Variants in PCDHA5 observed in about 807,000 individuals in gnomAD.
PCDHA5 encodes protocadherin alpha-5.
In PCDHA5, 43 loss-of-function variants were observed where a neutral mutation model predicts 61.6. The observed-to-expected ratio is 0.70, with a 90% CI of 0.55 to 0.90. The LOEUF is 0.90. Among genes scored for constraint, PCDHA5 ranks in the 40% least tolerant of loss-of-function variants. The pLI is 0.00. For missense variants in PCDHA5, 1,298 were observed against 1,222.7 expected, an observed-to-expected ratio of 1.06 and a Z score of -0.92; for synonymous variants, 627 against 543.9, an observed-to-expected ratio of 1.15 and a Z score of -2.13.
At chr5:140,962,431 A>G (rs782205198) in intron 1 of PCDHA5, among the ~76,000 whole-genome samples, 2 of 152,126 alleles carry the variant, frequency 1.3e-5, no homozygotes, top group Non-Finnish European at 2.9e-5. Flanking sequence ...ATTGTTACTT[A>G]TCCAAAGATG....
At chr5:140,972,622 T>C (rs1554234253) in intron 1 of PCDHA5, among the ~76,000 whole-genome samples, 1 of 151,940 alleles carries the variant, frequency 6.6e-6, no homozygotes, top group African/African-American at 2.4e-5. Flanking sequence ...CTGAATGTTG[T>C]TGGCACTCCC....
intron 3 of PCDHA5, among the ~76,000 whole-genome samples, chr5:140,986,342 C>G (rs1390823261): frequency 4.6e-5 from 7 of 152,184 alleles, no homozygotes; most frequent in African/African-American, 1.7e-4. Flanking sequence ...ACAGTTGCAG[C>G]CTCTTCTTCA....
At chr5:140,869,484 C>T (rs782167038) in intron 1 of PCDHA5, 2 of 1,613,948 alleles carry the variant, frequency 1.2e-6, no homozygotes, top group South Asian at 2.2e-5. Flanking sequence ...AGGACATTAA[C>T]GACAACCCGC....
intron 3 of PCDHA5, among the ~76,000 whole-genome samples, chr5:141,002,749 A>G (rs2098093412): frequency 1.3e-5 from 2 of 152,202 alleles, no homozygotes; most frequent in South Asian, 4.1e-4. Flanking sequence ...TACATCGACA[A>G]CCCTGTGATG....
chr5:140,836,538 A>G, intron 1 of PCDHA5: 1 of 1,613,734 alleles, frequency 6.2e-7, no homozygotes, highest in Non-Finnish European at 8.5e-7. Flanking sequence ...GCTGCTGTAC[A>G]CGGCGTTGCG....
In PCDHA5 at chr5:140,853,104, C is replaced by T. The variant is rs1299242689; in HGVS notation, c.2352+28977C>T. 2.1e-5 allele frequency: 8 copies of T among 388,186 alleles called. 1 individual carries two copies. The highest frequency in any genetic ancestry group is 4.4e-5 in the African/African-American group (2 of 45,392). 24.0% of individuals were successfully genotyped at this position (388,186 alleles called of 1,614,324 possible). A position where few individuals can be genotyped will look rare whatever the true frequency, so the allele number is the denominator to read the frequency against. ...CCGTGTTAGTCAGGATGGTCTCGAT[C>T]TCCTGACCTCATGATCCTCCCGCCT... On this transcript the variant is annotated intron_variant, in intron 1 of 3. Coordinates refer to ENST00000529859, the MANE Select transcript of PCDHA5 (RefSeq NM_018908.3).
chr5:140,850,192 T>C lies in PCDHA5; in HGVS notation c.2352+26065T>C. 1.3e-6 allele frequency: 2 copies of C among 1,593,512 alleles called. 1 individual carries two copies. The highest frequency in any genetic ancestry group is 1.7e-6 in the Non-Finnish European group (2 of 1,167,634). On this transcript the variant is annotated intron_variant, in intron 1 of 3. Transcript: ENST00000529859. ...GAGAACGACAATGCGCCGGCGCTGC[T>C]GACACCTCGGATGAGGGGCACTGAC...
intron 1 of PCDHA5, among the ~76,000 whole-genome samples, chr5:140,891,306 A>G (rs1452305510): frequency 6.6e-6 from 1 of 152,034 alleles, no homozygotes; most frequent in African/African-American, 2.4e-5. Flanking sequence ...ATTTGATTAC[A>G]TGAGTAAGTT....
chr5:140,844,185 T>G (rs1554140558), intron 1 of PCDHA5, among the ~76,000 whole-genome samples: 2 of 149,886 alleles, frequency 1.3e-5, no homozygotes, highest in Non-Finnish European at 3.0e-5. Flanking sequence ...TTTATTCATC[T>G]TATCTGACTT....
At chr5:140,960,922 G>C (rs562658138) in intron 1 of PCDHA5, among the ~76,000 whole-genome samples, 1 of 152,272 alleles carries the variant, frequency 6.6e-6, no homozygotes, top group East Asian at 1.9e-4. Flanking sequence ...ATAGAAAATT[G>C]GTACTAAGTT....
At chr5:140,835,008 C>A in intron 1 of PCDHA5, 1 of 1,388,200 alleles carries the variant, frequency 7.2e-7, no homozygotes. Context: ...TCCGGAGCTT[C>A]ATTTATTGCT....
chr5:140,837,346 A>T (rs1387832105), intron 1 of PCDHA5, among the ~76,000 whole-genome samples: 1 of 152,056 alleles, frequency 6.6e-6, no homozygotes, highest in African/African-American at 2.4e-5. Flanking sequence ...AATTTAAAAT[A>T]GTTTAAATGG....
chr5:140,901,234 T>A (rs1013983503), intron 1 of PCDHA5, among the ~76,000 whole-genome samples: 4 of 152,156 alleles, frequency 2.6e-5, no homozygotes, highest in African/African-American at 9.7e-5. Context: ...ATATATCCAT[T>A]TTTTTCCTTT....
At chr5:140,875,399 C>T (rs62622796) in intron 1 of PCDHA5, 40,992 of 1,482,866 alleles carry the variant, frequency 0.028, 731 homozygotes, top group Non-Finnish European at 0.032. Flanking sequence ...AAAAGGGTGA[C>T]TGCTCATAAA....
Position 140,978,942 on chromosome 5 carries a change from T to C in PCDHA5, c.2353-7T>C, listed in dbSNP as rs781997267. 5 of 1,614,058 alleles carry C rather than the reference T, an allele frequency of 3.1e-6. No individual in the cohort carries two copies. The African/African-American group carries it at 6.7e-5, about 22-fold the overall frequency. ...TTTAACAGAAAACTCTCTTTGTGAT[T>C]TTGCAGCCACGACAGCCCAACCCTG... is the stretch of plus-strand genomic sequence containing the variant. On this transcript the variant is annotated splice_region_variant and splice_polypyrimidine_tract_variant and intron_variant, in intron 1 of 3. Coordinates refer to ENST00000529859, the MANE Select transcript of PCDHA5 (RefSeq NM_018908.3).
chr5:140,976,507 C>T (rs868949957), intron 1 of PCDHA5, among the ~76,000 whole-genome samples: 2 of 151,968 alleles, frequency 1.3e-5, no homozygotes, highest in African/African-American at 4.8e-5. Context: ...GCCAAGATCG[C>T]GCCACTGCAC....
intron 1 of PCDHA5, among the ~76,000 whole-genome samples, chr5:140,959,041 T>C (rs1291778863): frequency 2.6e-5 from 4 of 152,118 alleles, no homozygotes; most frequent in Non-Finnish European, 5.9e-5. Flanking sequence ...GGTATGTATG[T>C]ATAGGAAAAA....
intron 1 of PCDHA5, chr5:140,849,712 C>G (rs782768269): frequency 6.3e-7 from 1 of 1,598,502 alleles, no homozygotes; most frequent in Non-Finnish European, 8.6e-7. Context: ...AATTACTACT[C>G]GTTGGTGCTG....
At chr5:140,984,973 T>C (rs1397062066) in intron 3 of PCDHA5, among the ~76,000 whole-genome samples, 1 of 152,150 alleles carries the variant, frequency 6.6e-6, no homozygotes, top group Non-Finnish European at 1.5e-5. Context: ...AGTCTCGCTC[T>C]GTCCCCCAGG....
Sources: gnomAD v4.1 joint callset for allele counts (sites outside exome capture counted in the v4.1 genomes callset) on GRCh38, gnomAD v4.1.1 for gene constraint, MANE v1.5 for transcripts, NCBI Gene and HGNC (gene_info 2026-07-23, HGNC 2026-07-21) for gene names.